XPO4: variants seen among roughly 807,000 people sequenced by gnomAD.
The protein encoded by XPO4 is exportin-4.
Under a neutral mutation model 143.0 loss-of-function variants are expected in XPO4, and 39 were observed. The ratio of observed to expected loss-of-function variants is 0.27; its 90% CI spans 0.21 to 0.36. The LOEUF (loss-of-function observed/expected upper bound fraction) is 0.36, where lower values mean the gene tolerates loss of function less well. Among genes scored for constraint, XPO4 ranks in the 10% least tolerant of loss-of-function variants. The pLI is 1.00. For synonymous variants in XPO4, 439 were observed against 474.0 expected (o/e 0.93, Z 0.96); for missense variants, 907 against 1,348.0 (o/e 0.67, Z 5.12).
chr13:20,807,706 T>C, intron 12 of XPO4, 72 bp from the exon 13 acceptor site: 1 of 1,201,976 alleles, frequency 8.3e-7, no homozygotes, highest in Non-Finnish European at 1.1e-6. Context: ...ATAAATGTTT[T>C]CAGTTTGATT....
intron 9 of XPO4, among the ~76,000 whole-genome samples, chr13:20,812,322 A>AC (rs2059592662): frequency 6.6e-6 from 1 of 152,104 alleles, no homozygotes; most frequent in Non-Finnish European, 1.5e-5. Flanking sequence ...ACCCACACTT[A>AC]TATAAAAACT....
chr13:20,879,062 G>A lies in XPO4; in HGVS notation c.70-10361C>T, dbSNP rs985561029. The A allele has an allele frequency of 3.1e-5, 30 of 962,204 alleles. No homozygotes were observed. In the African/African-American group the frequency reaches 4.4e-4, roughly 14 times the overall value. 59.6% of individuals were successfully genotyped at this position (962,204 alleles called of 1,614,324 possible). On this transcript the variant is annotated intron_variant, in intron 1 of 22. Coordinates refer to ENST00000255305, the MANE Select transcript of XPO4 (RefSeq NM_022459.5). Reference sequence around the variant, plus strand: ...ATCAAAAGCTAAAACAGAAGCGAACGCAGGGATCCAAAGATGAATGCAAGC... The same window carrying A: ...ATCAAAAGCTAAAACAGAAGCGAACACAGGGATCCAAAGATGAATGCAAGC...
chr13:20,781,852 T>C lies in XPO4; in HGVS notation c.*1870A>G, dbSNP rs2059147667. The C allele has an allele frequency of 6.6e-6, 1 of 151,610 alleles. No homozygotes were observed. The highest frequency in any genetic ancestry group is 1.5e-5 in the Non-Finnish European group (1 of 67,902). 9.4% of individuals were successfully genotyped at this position (151,610 alleles called of 1,614,324 possible). Reference sequence around the variant, plus strand: ...AACACCAAGAACAATGCAAAACAAATAGATTACTGCTGCATATCACTTCAA... The same window carrying C: ...AACACCAAGAACAATGCAAAACAAACAGATTACTGCTGCATATCACTTCAA... On this transcript the variant is annotated 3_prime_UTR_variant, in exon 23 of 23. Coordinates refer to ENST00000255305, the MANE Select transcript of XPO4 (RefSeq NM_022459.5).
intron 13 of XPO4, among the ~76,000 whole-genome samples, chr13:20,807,203 T>C (rs190872525): frequency 2.6e-5 from 4 of 152,302 alleles, no homozygotes; most frequent in Admixed American, 2.6e-4. Flanking sequence ...CCCTTCCAAG[T>C]CTCATTGTAT....
Position 20,797,024 on chromosome 13 carries a change from C to G in XPO4, c.2356G>C (p.Val786Leu). ...TGCTGGAAGTTTTCTTGGTTTATCA[C>G]TCTTAAGAATCGCTGCTGAAGTGGC... ...LQPLQQRFLR[V>L]INQENFQQMC... Residue 786 changes from valine to leucine, a missense_variant, in exon 17 of 23, where the codon GTG becomes CTG. Transcript: ENST00000255305. The G allele has an allele frequency of 1.2e-6, 2 of 1,608,204 alleles. No homozygotes were observed. Among genetic ancestry groups the G allele is most frequent in the Non-Finnish European group, 1.7e-6 (2 of 1,177,020 alleles).
chr13:20,878,997 T>C (rs2060380541), intron 1 of XPO4: 1 of 699,898 alleles, frequency 1.4e-6, no homozygotes, highest in Non-Finnish European at 1.8e-6. Flanking sequence ...TTCTTAAAAA[T>C]TTTAAGTGCA....
At chr13:20,822,040 G>T in intron 8 of XPO4, 92 bp downstream of exon 8, 1 of 1,456,476 alleles carries the variant, frequency 6.9e-7, no homozygotes, top group South Asian at 1.5e-5. Context: ...CAAAATATAA[G>T]GGGGAAAAAA....
chr13:20,902,588 C>G, intron 1 of XPO4, 82 bp downstream of exon 1: 2 of 1,421,568 alleles, frequency 1.4e-6, no homozygotes, highest in African/African-American at 3.0e-5. Flanking sequence ...CAGTCGCCAG[C>G]CCAGCGAGCA....
At chr13:20,860,182 TAA>T (rs1327725142) in intron 3 of XPO4, among the ~76,000 whole-genome samples, 1 of 152,192 alleles carries the variant, frequency 6.6e-6, no homozygotes, top group Non-Finnish European at 1.5e-5. Flanking sequence ...AACAGAATAT[TAA>T]AGAGACTTTA....
chr13:20,863,743 C>A (rs1434678866), intron 2 of XPO4, among the ~76,000 whole-genome samples: 1 of 152,128 alleles, frequency 6.6e-6, no homozygotes, highest in South Asian at 2.1e-4. Flanking sequence ...CCATGAAAAG[C>A]TCATGATTAG....
chr13:20,864,878 A>C (rs2060231406), intron 2 of XPO4, among the ~76,000 whole-genome samples: 2 of 152,118 alleles, frequency 1.3e-5, no homozygotes, highest in African/African-American at 4.8e-5. Context: ...AGGAATAAAA[A>C]AAAAAAAAGC....
intron 9 of XPO4, among the ~76,000 whole-genome samples, chr13:20,814,824 A>G (rs2059628678): frequency 6.6e-6 from 1 of 152,252 alleles, no homozygotes; most frequent in African/African-American, 2.4e-5. Flanking sequence ...TAATCAAATT[A>G]TGATATCAGC....
rs1481288978 is a variant in XPO4 at position 20,787,010 on chromosome 13, G to A, written c.3213C>T (p.Thr1071=). The A allele has an allele frequency of 6.4e-7, 1 of 1,567,370 alleles. No homozygotes were observed. Among genetic ancestry groups the A allele is most frequent in the Non-Finnish European group, 8.7e-7 (1 of 1,153,124 alleles). Reference sequence around the variant, plus strand: ...TGTAGAAAGCTTCGCCAGCCGCAGTGGTCATCTCTGTGTTGTGCTTTTGCA... The same window carrying A: ...TGTAGAAAGCTTCGCCAGCCGCAGTAGTCATCTCTGTGTTGTGCTTTTGCA... The part of the protein sequence containing the change: ...LVLQKHNTEM[T]TAAGEAFYTL... Residue 1071 remains threonine (T), a synonymous_variant, in exon 22 of 23, where the codon ACC becomes ACT. Coordinates refer to ENST00000255305, the MANE Select transcript of XPO4 (RefSeq NM_022459.5).
intron 1 of XPO4, among the ~76,000 whole-genome samples, chr13:20,885,903 T>C (rs1047038646): frequency 7.9e-5 from 12 of 152,184 alleles, no homozygotes; most frequent in African/African-American, 2.9e-4. Flanking sequence ...GGGCAAAATA[T>C]TACTAAAAGA....
At chr13:20,840,574 C>A (rs1426625963) in intron 6 of XPO4, among the ~76,000 whole-genome samples, 2 of 152,148 alleles carry the variant, frequency 1.3e-5, no homozygotes, top group Non-Finnish European at 2.9e-5. Flanking sequence ...ATTATTTAGA[C>A]CCTCTCCATG....
intron 1 of XPO4, among the ~76,000 whole-genome samples, chr13:20,900,635 T>A (rs2060611989): frequency 6.6e-6 from 1 of 151,250 alleles, no homozygotes; most frequent in African/African-American, 2.4e-5. Context: ...TTTTTTGAGA[T>A]GAAGTCTCAC....
intron 9 of XPO4, among the ~76,000 whole-genome samples, chr13:20,814,934 T>G (rs1036821115): frequency 6.6e-6 from 1 of 152,398 alleles, no homozygotes; most frequent in East Asian, 1.9e-4. Context: ...TTGGTAATTA[T>G]GTTGAATACA....
At chr13:20,898,291 C>T (rs1227052819) in intron 1 of XPO4, among the ~76,000 whole-genome samples, 2 of 152,088 alleles carry the variant, frequency 1.3e-5, no homozygotes, top group Non-Finnish European at 1.5e-5. Flanking sequence ...GGGCCGGGTG[C>T]GGTGGCTCAC....
rs983642790 is a variant in XPO4, at chr13:20,818,906, C to T, written c.1173+2798G>A. ...TGTGATCTTGGGTCACTGCAACCTC[C>T]GCCTCTCGGGTTCAAGAGATCCTCC... On this transcript the variant is annotated intron_variant, in intron 9 of 22. Transcript: ENST00000255305. 7.9e-5 allele frequency among the ~76,000 whole-genome samples: 12 copies of T among 152,126 alleles called. No individual in the cohort carries two copies. The East Asian group carries it at 1.2e-3, about 15-fold the overall frequency.
Sources: allele counts gnomAD v4.1 joint callset (sites outside exome capture counted in the v4.1 genomes callset), GRCh38; gene constraint gnomAD v4.1.1; transcripts MANE v1.5; gene names NCBI Gene and HGNC (gene_info 2026-07-23, HGNC 2026-07-21).